LOC128125817: variants seen among roughly 807,000 people sequenced by gnomAD.
chr1:41,600,188 C>A, the LOC128125817 span, among the ~76,000 whole-genome samples: 1 of 152,174 alleles, frequency 6.6e-6, no homozygotes, highest in Admixed American at 6.5e-5. Flanking sequence ...AATAGAATTA[C>A]CATCTAATCC....
the LOC128125817 span, among the ~76,000 whole-genome samples, chr1:41,624,999 A>C: frequency 2.3e-3 from 349 of 152,148 alleles, 1 homozygote; most frequent in South Asian, 5.0e-3. Context: ...CCCCATCTCT[A>C]ATAAAAATAC....
At chr1:41,626,267 T>A in the LOC128125817 span, among the ~76,000 whole-genome samples, 1 of 152,208 alleles carries the variant, frequency 6.6e-6, no homozygotes, top group East Asian at 1.9e-4. Flanking sequence ...CCCTGGTGGC[T>A]GGGAGGGCCG....
the LOC128125817 span, among the ~76,000 whole-genome samples, chr1:41,588,273 C>T: frequency 2.0e-5 from 3 of 152,144 alleles, no homozygotes; most frequent in African/African-American, 7.2e-5. Context: ...TCTTATTGAT[C>T]CTTTCATGCA....
the LOC128125817 span, among the ~76,000 whole-genome samples, chr1:41,624,340 T>C: frequency 6.6e-6 from 1 of 152,194 alleles, no homozygotes; most frequent in East Asian, 1.9e-4. Context: ...AAAAGTACAG[T>C]TTGACTCCTA....
chr1:41,602,641 C>G, the LOC128125817 span, among the ~76,000 whole-genome samples: 1 of 151,862 alleles, frequency 6.6e-6, no homozygotes, highest in African/African-American at 2.4e-5. Flanking sequence ...TCTAGCATAG[C>G]TAATGATTTG....
the LOC128125817 span, among the ~76,000 whole-genome samples, chr1:41,619,190 G>A: frequency 7.2e-5 from 11 of 151,996 alleles, no homozygotes; most frequent in Non-Finnish European, 1.2e-4. Flanking sequence ...CCAGCAGGCT[G>A]ATCTTGCCTC....
chr1:41,593,337 A>G, the LOC128125817 span, among the ~76,000 whole-genome samples: 7 of 151,950 alleles, frequency 4.6e-5, no homozygotes, highest in South Asian at 1.5e-3. Flanking sequence ...TTTTAAATCT[A>G]TGTATGGATA....
At chr1:41,594,050 A>G in the LOC128125817 span, among the ~76,000 whole-genome samples, 1 of 151,972 alleles carries the variant, frequency 6.6e-6, no homozygotes. Context: ...TTGTGATTAC[A>G]TTGAGTCCAC....
chr1:41,627,965 T>C, the LOC128125817 span, among the ~76,000 whole-genome samples: 1 of 150,210 alleles, frequency 6.7e-6, no homozygotes, highest in African/African-American at 2.4e-5. Context: ...ATTCTGGCTC[T>C]CCACACCAGA....
chr1:41,616,051 CAA>C, the LOC128125817 span, among the ~76,000 whole-genome samples: 3 of 152,056 alleles, frequency 2.0e-5, no homozygotes, highest in Non-Finnish European at 4.4e-5. Flanking sequence ...CTGATTTCCA[CAA>C]GAGACATGCC....
the LOC128125817 span, among the ~76,000 whole-genome samples, chr1:41,605,406 C>CAT: frequency 7.0e-6 from 1 of 143,328 alleles, no homozygotes; most frequent in Non-Finnish European, 1.5e-5. Context: ...CACACACACA[C>CAT]ATACATATGT....
chr1:41,628,689 T>C, the LOC128125817 span: 3 of 1,159,834 alleles, frequency 2.6e-6, no homozygotes, highest in Non-Finnish European at 3.3e-6. Context: ...AGCAAGCTCA[T>C]GCAAGACAGA....
the LOC128125817 span, among the ~76,000 whole-genome samples, chr1:41,605,358 TACACAC>T: frequency 7.7e-6 from 1 of 130,676 alleles, no homozygotes; most frequent in African/African-American, 3.1e-5. Flanking sequence ...AGATATTACA[TACACAC>T]ACGCACACGC....
chr1:41,623,879 A>G, the LOC128125817 span, among the ~76,000 whole-genome samples: 2 of 142,024 alleles, frequency 1.4e-5, 1 homozygote, highest in South Asian at 4.7e-4. Flanking sequence ...TTGAATGGCC[A>G]CAGAGGCTCT....
chr1:41,625,280 AATG>A, the LOC128125817 span, among the ~76,000 whole-genome samples: 2 of 152,204 alleles, frequency 1.3e-5, no homozygotes, highest in Non-Finnish European at 2.9e-5. Flanking sequence ...CAAGCAATAC[AATG>A]ATGATCTAGG....
chr1:41,587,295 A>T, the LOC128125817 span, among the ~76,000 whole-genome samples: 1 of 152,216 alleles, frequency 6.6e-6, no homozygotes, highest in African/African-American at 2.4e-5. Context: ...AAGACTGTGT[A>T]TCAGCAGAGA....
At chr1:41,608,327 C>T in the LOC128125817 span, among the ~76,000 whole-genome samples, 3 of 152,166 alleles carry the variant, frequency 2.0e-5, no homozygotes, top group Non-Finnish European at 4.4e-5. Flanking sequence ...TATACTTCAC[C>T]CTGAGACGGA....
the LOC128125817 span, among the ~76,000 whole-genome samples, chr1:41,615,935 A>G: frequency 4.0e-5 from 6 of 148,758 alleles, no homozygotes; most frequent in African/African-American, 1.5e-4. Flanking sequence ...TATTTGTTAA[A>G]TATATTAATA....
At chr1:41,615,324 G>A in the LOC128125817 span, among the ~76,000 whole-genome samples, 2 of 152,184 alleles carry the variant, frequency 1.3e-5, no homozygotes, top group South Asian at 2.1e-4. Flanking sequence ...CCTGAACTTG[G>A]GAAATCGGCC....
Sources: allele counts gnomAD v4.1 joint callset (sites outside exome capture counted in the v4.1 genomes callset), GRCh38; gene constraint gnomAD v4.1.1; transcripts MANE v1.5.